Variants in NR5A2 observed in about 807,000 individuals in gnomAD.
The protein encoded by NR5A2 is CYP7A promoter-binding factor.
In NR5A2, 26 loss-of-function variants were observed where a neutral mutation model predicts 62.7. That is an observed-to-expected ratio of 0.41 (90% CI 0.30 to 0.58). The LOEUF is 0.58. Among genes scored for constraint, NR5A2 ranks in the 20% least tolerant of loss-of-function variants. The pLI is 0.22. For synonymous variants in NR5A2, 246 were observed against 241.7 expected (o/e 1.02, Z -0.16); for missense variants, 541 against 669.1 (o/e 0.81, Z 2.11).
chr1:200,030,770 A>C (rs1469926582), intron 1 of NR5A2, among the ~76,000 whole-genome samples: 1 of 152,230 alleles, frequency 6.6e-6, no homozygotes, highest in East Asian at 1.9e-4. Flanking sequence ...AGAATATTTT[A>C]TGCACTCAGT....
intron 5 of NR5A2, among the ~76,000 whole-genome samples, chr1:200,079,078 A>G (rs2102231346): frequency 6.6e-6 from 1 of 152,312 alleles, no homozygotes; most frequent in African/African-American, 2.4e-5. Context: ...AATGGCCCCA[A>G]TTCTACTTGA....
chr1:200,156,584 A>G (rs10919823), intron 7 of NR5A2, among the ~76,000 whole-genome samples: 4,707 of 152,038 alleles, frequency 0.031, 250 homozygotes, highest in African/African-American at 0.11. Flanking sequence ...TTTTTAGTAG[A>G]GAGGGTGTTT....
chr1:200,111,336 CAAAA>C lies in NR5A2; in HGVS notation c.1230+27_1230+30del, dbSNP rs76894039. 290 of 1,405,902 alleles carry C rather than the reference CAAAA, an allele frequency of 2.1e-4. 1 individual carries two copies. The highest frequency in any genetic ancestry group is 7.4e-4 in the South Asian group (53 of 71,198). The allele number at this position is 1,405,902 out of a possible 1,614,324, so 87.1% of individuals were successfully genotyped here. A position where few individuals can be genotyped will look rare whatever the true frequency, so the allele number is the denominator to read the frequency against. On this transcript the variant is annotated intron_variant, in intron 6 of 7. Transcript: ENST00000367362. Reference sequence around the variant, plus strand: ...CTGGGCAACAAGTGAGTGTAGAGACCAAAAAAAAAAAAAAAGCATCTTTTTATTA... The same window carrying C: ...CTGGGCAACAAGTGAGTGTAGAGACCAAAAAAAAAAAGCATCTTTTTATTA...
intron 7 of NR5A2, among the ~76,000 whole-genome samples, chr1:200,137,355 G>T (rs1402064019): frequency 1.4e-5 from 2 of 143,062 alleles, no homozygotes; most frequent in Non-Finnish European, 1.5e-5. Context: ...TGGTAGAGAC[G>T]AGGTTTCACC....
intron 5 of NR5A2, among the ~76,000 whole-genome samples, chr1:200,104,042 TA>T (rs1207419972): frequency 2.0e-5 from 3 of 152,062 alleles, no homozygotes; most frequent in Admixed American, 2.0e-4. Context: ...AAAAGGAGGT[TA>T]GGGGGAGGTC....
intron 7 of NR5A2, among the ~76,000 whole-genome samples, chr1:200,149,164 C>T (rs1339881447): frequency 5.3e-5 from 8 of 152,178 alleles, no homozygotes; most frequent in East Asian, 1.9e-4. Flanking sequence ...CCATCTGCCT[C>T]GGCCCCCCAA....
intron 5 of NR5A2, among the ~76,000 whole-genome samples, chr1:200,086,406 C>A (rs945319882): frequency 6.6e-6 from 1 of 152,010 alleles, no homozygotes; most frequent in Non-Finnish European, 1.5e-5. Context: ...TGGGTTCAAG[C>A]TATTCTCCTG....
chr1:200,152,447 A>G (rs575908724), intron 7 of NR5A2, among the ~76,000 whole-genome samples: 1 of 152,358 alleles, frequency 6.6e-6, no homozygotes, highest in East Asian at 1.9e-4. Flanking sequence ...AAGAAGGCAA[A>G]AACGTGCCTG....
intron 7 of NR5A2, among the ~76,000 whole-genome samples, chr1:200,158,491 A>G (rs1653485764): frequency 6.6e-6 from 1 of 152,248 alleles, no homozygotes; most frequent in Non-Finnish European, 1.5e-5. Flanking sequence ...GGATGTTAAA[A>G]TTGGTGATAC....
chr1:200,150,660 G>A (rs1186794426), intron 7 of NR5A2, among the ~76,000 whole-genome samples: 1 of 152,116 alleles, frequency 6.6e-6, no homozygotes, highest in Non-Finnish European at 1.5e-5. Context: ...TAGAGGGTTG[G>A]GAGAGAGAAG....
At chr1:200,108,078 ATACGTGTGTGTGTGTG>A (rs1183394602) in intron 5 of NR5A2, among the ~76,000 whole-genome samples, 1 of 83,226 alleles carries the variant, frequency 1.2e-5, no homozygotes, top group African/African-American at 5.7e-5. Flanking sequence ...TCTAGAAGAC[ATACGTGTGTGTGTGTG>A]TGTGTGTGTG....
intron 5 of NR5A2, among the ~76,000 whole-genome samples, chr1:200,061,423 C>T (rs960247949): frequency 1.3e-5 from 2 of 151,674 alleles, no homozygotes; most frequent in African/African-American, 2.4e-5. Flanking sequence ...GAATTACAGG[C>T]GTATACCACC....
In NR5A2 at chr1:200,147,042, A is replaced by G. The variant is rs1667735336; in HGVS notation, c.1378+26087A>G. ...TGAACACAGCAAAACTTGGAACAAC[A>G]AGGAATTAACTGGGTGGCAGCAAAG... On this transcript the variant is annotated intron_variant, in intron 7 of 7. Coordinates refer to ENST00000367362, the MANE Select transcript of NR5A2 (RefSeq NM_205860.3). This position sits in a 1 kb window ranked among gnomAD's most constrained non-coding sequence, Gnocchi z 4.9. 6.6e-6 allele frequency among the ~76,000 whole-genome samples: 1 copy of G among 152,266 alleles called. No homozygotes were observed. The highest frequency in any genetic ancestry group is 2.1e-4 in the South Asian group (1 of 4,830).
At chr1:200,088,266 T>C (rs1013699630) in intron 5 of NR5A2, among the ~76,000 whole-genome samples, 35 of 150,618 alleles carry the variant, frequency 2.3e-4, no homozygotes, top group African/African-American at 7.8e-4. Flanking sequence ...AATAAAAAAC[T>C]CCTCTCCATC....
chr1:200,156,418 G>A (rs1191544377), intron 7 of NR5A2, among the ~76,000 whole-genome samples: 1 of 152,096 alleles, frequency 6.6e-6, no homozygotes, highest in African/African-American at 2.4e-5. Flanking sequence ...GTTTTTCTGA[G>A]ACGGAGTCTC....
intron 7 of NR5A2, among the ~76,000 whole-genome samples, chr1:200,133,236 G>A (rs1468734385): frequency 1.3e-5 from 2 of 151,990 alleles, no homozygotes; most frequent in Admixed American, 1.3e-4. Flanking sequence ...TGCTGCCTTA[G>A]GACTCAGCTG....
At chr1:200,156,597 C>A (rs1182733126) in intron 7 of NR5A2, among the ~76,000 whole-genome samples, 2 of 152,092 alleles carry the variant, frequency 1.3e-5, no homozygotes, top group Non-Finnish European at 2.9e-5. Flanking sequence ...GGGTGTTTCA[C>A]CATCTTGACC....
chr1:200,029,846 T>C (rs1661486009), intron 1 of NR5A2: 2 of 152,214 alleles, frequency 1.3e-5, no homozygotes, highest in Non-Finnish European at 2.9e-5. Flanking sequence ...TGTCCGCACC[T>C]GCAACATCTT....
chr1:200,079,727 A>T (rs1464707576), intron 5 of NR5A2, among the ~76,000 whole-genome samples: 2 of 152,246 alleles, frequency 1.3e-5, no homozygotes, highest in Non-Finnish European at 2.9e-5. Context: ...GCCTTTAGGA[A>T]TGGGACCGGT....
Sources: allele counts gnomAD v4.1 joint callset (sites outside exome capture counted in the v4.1 genomes callset), GRCh38; gene constraint gnomAD v4.1.1; non-coding constraint Gnocchi (gnomAD v3.1); transcripts MANE v1.5; gene names NCBI Gene and HGNC (gene_info 2026-07-23, HGNC 2026-07-21).